Variants in A2ML1 observed in about 807,000 individuals in gnomAD.
A2ML1 encodes the protein alpha-2-macroglobulin like 1, also known as alpha-2-macroglobulin-like protein 1.
A2ML1 carries 161 observed loss-of-function variants against 181.9 expected under a neutral mutation model. That is an observed-to-expected ratio of 0.89 (90% CI 0.78 to 1.01). The LOEUF (loss-of-function observed/expected upper bound fraction) is 1.01. Among genes scored for constraint, A2ML1 ranks in the 50% least tolerant of loss-of-function variants. The pLI is 0.00. For missense variants in A2ML1, 1,670 were observed against 1,768.1 expected (o/e 0.94, Z 1.00); for synonymous variants, 663 against 666.8 (o/e 0.99, Z 0.09).
chr12:8,835,569 C>G lies in A2ML1; in HGVS notation c.546C>G (p.Asp182Glu). ...LEVVPEQGIV[D>E]LSFQLAPEAM... ...TGGTACCTGAGCAAGGCATTGTAGA[C>G]CTGTCCTTCCAACTGGCACCAGAGG... The change falls in exon 6 of 36, where the codon GAC becomes GAG. Residue 182 changes from aspartate to glutamate, a missense_variant. Coordinates refer to ENST00000299698, the MANE Select transcript of A2ML1 (RefSeq NM_144670.6). The G allele has an allele frequency of 1.2e-6, 2 of 1,614,156 alleles. No homozygotes were observed. The highest frequency in any genetic ancestry group is 8.5e-7 in the Non-Finnish European group (1 of 1,180,030).
At chr12:8,862,462 A>G (rs183097057) in intron 28 of A2ML1, among the ~76,000 whole-genome samples, 2 of 152,206 alleles carry the variant, frequency 1.3e-5, no homozygotes, top group African/African-American at 4.8e-5. Flanking sequence ...TTGGTCTTCC[A>G]AAGTGCTGAA....
rs140567855 is a variant in A2ML1, at chr12:8,823,967, T to G, written c.409+85T>G. Reference sequence around the variant, plus strand: ...AAAGAGGGGATTTGTGGTTTGACAGTAGGCTTTGGAAAAAAAGGAGTGCAG... The same window carrying G: ...AAAGAGGGGATTTGTGGTTTGACAGGAGGCTTTGGAAAAAAAGGAGTGCAG... On this transcript the variant is annotated intron_variant, in intron 3 of 35. Coordinates refer to ENST00000299698, the MANE Select transcript of A2ML1 (RefSeq NM_144670.6). The G allele has an allele frequency of 1.0e-4, 152 of 1,468,336 alleles. No homozygotes were observed. The East Asian group carries it at 3.3e-3, about 31-fold the overall frequency. 91.0% of individuals were successfully genotyped at this position (1,468,336 alleles called of 1,614,324 possible). A position where few individuals can be genotyped will look rare whatever the true frequency, so the allele number is the denominator to read the frequency against.
intron 33 of A2ML1, among the ~76,000 whole-genome samples, chr12:8,872,645 A>G (rs995989351): frequency 3.3e-5 from 5 of 151,792 alleles, no homozygotes; most frequent in Non-Finnish European, 5.9e-5. Flanking sequence ...TTAGCTGGGC[A>G]TGGTTGTGCG....
In A2ML1 at chr12:8,838,380, C is replaced by A. The variant is rs761769559; in HGVS notation, c.900C>A (p.Thr300=). 1.9e-6 allele frequency: 3 copies of A among 1,613,880 alleles called. No homozygotes were observed. The highest frequency in any genetic ancestry group is 2.2e-5 in the East Asian group (1 of 44,862). Reference sequence around the variant, plus strand: ...TCTCAGCACCTGTGGACATGGCCACCTTTGACCTCATTGGATATGCGTACA... The same window carrying A: ...TCTCAGCACCTGTGGACATGGCCACATTTGACCTCATTGGATATGCGTACA... ...GCFSAPVDMA[T]FDLIGYAYSH... Residue 300 remains threonine (T), a synonymous_variant, in exon 9 of 36, where the codon ACC becomes ACA. Coordinates refer to ENST00000299698, the MANE Select transcript of A2ML1 (RefSeq NM_144670.6).
intron 18 of A2ML1, among the ~76,000 whole-genome samples, 197 bp downstream of exon 18, chr12:8,850,471 G>T (rs73038760): frequency 2.0e-5 from 3 of 152,132 alleles, no homozygotes; most frequent in African/African-American, 4.8e-5. Flanking sequence ...TACTTGGAAG[G>T]CTGAGGTGGA....
chr12:8,843,860 A>G (rs1242645030), intron 12 of A2ML1, among the ~76,000 whole-genome samples: 2 of 151,812 alleles, frequency 1.3e-5, no homozygotes, highest in Non-Finnish European at 2.9e-5. Context: ...CTGGGACTAC[A>G]GGCGCCCGCC....
intron 4 of A2ML1, among the ~76,000 whole-genome samples, chr12:8,833,872 T>C (rs1943193309): frequency 6.6e-6 from 1 of 152,150 alleles, no homozygotes; most frequent in South Asian, 2.1e-4. Context: ...ATCCCTACTA[T>C]CAAGGCTGAT....
chr12:8,860,276 T>C (rs1201818891), intron 26 of A2ML1, among the ~76,000 whole-genome samples: 1 of 152,114 alleles, frequency 6.6e-6, no homozygotes, highest in African/African-American at 2.4e-5. Context: ...ACTCCTGAGC[T>C]CAAGCGATCC....
intron 3 of A2ML1, among the ~76,000 whole-genome samples, chr12:8,827,874 C>T (rs1041615659): frequency 6.6e-6 from 1 of 152,162 alleles, no homozygotes; most frequent in Admixed American, 6.5e-5. Flanking sequence ...GAGGTACCTC[C>T]TTGATGGTCT....
At position 8,843,233 on chromosome 12, in the gene A2ML1, C is replaced by G; in HGVS notation, c.1348C>G (p.Arg450Gly). ...CCTGCGACCCTTCTACAGCACAACC[C>G]GCAGCTTCCTTGGCATCCACCGGCT... ...LHLRPFYSTT[R>G]SFLGIHRLNG... is the part of the protein sequence containing the mutation. Residue 450 changes from arginine to glycine, a missense_variant, in exon 12 of 36, where the codon CGC becomes GGC. By Grantham distance (125) the Arg-to-Gly change is moderately radical (BLOSUM62 -2). Coordinates refer to ENST00000299698, the MANE Select transcript of A2ML1 (RefSeq NM_144670.6). 13 of 1,614,152 alleles carry G rather than the reference C, an allele frequency of 8.1e-6. No individual in the cohort carries two copies. The highest frequency in any genetic ancestry group is 1.1e-5 in the Non-Finnish European group (13 of 1,180,040).
chr12:8,858,507 A>G (rs1260626276), intron 26 of A2ML1, among the ~76,000 whole-genome samples: 1 of 151,874 alleles, frequency 6.6e-6, no homozygotes, highest in Non-Finnish European at 1.5e-5. Context: ...GATCACTTGA[A>G]CCCAGGAGGT....
rs1490102326 is a variant in A2ML1 at position 8,822,645 on chromosome 12, C to T, written c.-7C>T. ...TGACCCTGGAAAAATCTGTCTCACCCACAAAGATGTGGGCTCAGCTCCTTC... is the reference window on the plus strand; with the variant it reads ...TGACCCTGGAAAAATCTGTCTCACCTACAAAGATGTGGGCTCAGCTCCTTC... On this transcript the variant is annotated 5_prime_UTR_variant, in exon 1 of 36. Transcript: ENST00000299698. 1 of 1,613,756 alleles carries T rather than the reference C, an allele frequency of 6.2e-7. No individual in the cohort carries two copies. Among genetic ancestry groups the T allele is most frequent in the Non-Finnish European group, 8.5e-7 (1 of 1,179,700 alleles).
At chr12:8,823,450 T>G in intron 2 of A2ML1, 85 bp downstream of exon 2, 1 of 1,430,408 alleles carries the variant, frequency 7.0e-7, no homozygotes, top group South Asian at 1.4e-5. Context: ...TAAGTATAAT[T>G]TCTGTTATCT....
In A2ML1 at chr12:8,835,545, G is replaced by A; in HGVS notation, c.522G>A (p.Val174=). The A allele has an allele frequency of 6.2e-7, 1 of 1,614,204 alleles. No individual in the cohort carries two copies. The change falls in exon 6 of 36, where the codon GTG becomes GTA. Residue 174 remains valine, a synonymous_variant. Coordinates refer to ENST00000299698, the MANE Select transcript of A2ML1 (RefSeq NM_144670.6). ...NSNRIAQWLE[V]VPEQGIVDLS... ...ACAGGATTGCACAGTGGCTGGAAGTGGTACCTGAGCAAGGCATTGTAGACC... is the reference window on the plus strand; with the variant it reads ...ACAGGATTGCACAGTGGCTGGAAGTAGTACCTGAGCAAGGCATTGTAGACC...
rs746074032 is a variant in A2ML1 at position 8,852,257 on chromosome 12, G to C, written c.2511G>C (p.Trp837Cys). ...CGCATGAGTACCAGCTAGAATCATG[G>C]GCAGATTCTCAGACCTCCAGTTGTC... ...AKSHEYQLES[W>C]ADSQTSSCLC... The change falls in exon 20 of 36, where the codon TGG becomes TGC. Residue 837 changes from tryptophan to cysteine, a missense_variant. Trp to Cys is a radical substitution (Grantham distance 215). Transcript: ENST00000299698. The surrounding 1 kb of genome is among the most constrained non-coding windows in gnomAD (Gnocchi z 4.2). The C allele has an allele frequency of 8.1e-6, 13 of 1,614,036 alleles. No homozygotes were observed. The highest frequency in any genetic ancestry group is 6.7e-5 in the Admixed American group (4 of 60,008).
chr12:8,832,722 A>AG lies in A2ML1; in HGVS notation c.463-1935dup, dbSNP rs1344304195. Among the ~76,000 whole-genome samples, 4 of 152,220 alleles carry AG rather than the reference A, an allele frequency of 2.6e-5. No individual in the cohort carries two copies. The East Asian group carries it at 7.7e-4, about 29-fold the overall frequency. On this transcript the variant is annotated intron_variant, in intron 4 of 35. Coordinates refer to ENST00000299698, the MANE Select transcript of A2ML1 (RefSeq NM_144670.6). ...ATTGTTCTGGCTTCTTCCTGCTGAG[A>AG]GGGGGCGTAGTGAGGGTACCTAAGG...
intron 18 of A2ML1, 98 bp from the exon 19 acceptor site, chr12:8,851,686 G>A (rs1315035092): frequency 2.6e-6 from 3 of 1,150,358 alleles, no homozygotes; most frequent in Middle Eastern, 2.8e-4. Context: ...GATTACAAGT[G>A]TAAGCCAGCA....
chr12:8,832,354 C>G (rs1943144896), intron 4 of A2ML1, among the ~76,000 whole-genome samples: 1 of 152,058 alleles, frequency 6.6e-6, no homozygotes. Flanking sequence ...CTGCATGACC[C>G]CTAAAGTGTA....
In A2ML1 at chr12:8,881,827, C is replaced by T. The variant is rs190093172; in HGVS notation, c.*94+1211C>T. On this transcript the variant is annotated intron_variant and NMD_transcript_variant, in intron 7 of 7. Coordinates refer to the A2ML1 transcript ENST00000537475. ...GAGATCGAGACCATCCTGGCTAACA[C>T]GGTGAAACCCCGTCTGTACTAAAAA... Among the ~76,000 whole-genome samples, 543 of 151,882 alleles carry T rather than the reference C, an allele frequency of 3.6e-3. 2 individuals are homozygous for T. The highest frequency in any genetic ancestry group is 0.012 in the African/African-American group (503 of 41,440).
Sources: gnomAD v4.1 joint callset for allele counts (sites outside exome capture counted in the v4.1 genomes callset) on GRCh38, gnomAD v4.1.1 for gene constraint, Gnocchi (gnomAD v3.1) non-coding constraint, MANE v1.5 for transcripts, NCBI Gene and HGNC (gene_info 2026-07-23, HGNC 2026-07-21) for gene names.